EDN1: variants seen among roughly 807,000 people sequenced by gnomAD.
The protein encoded by EDN1 is endothelin 1.
EDN1 carries 11 observed loss-of-function variants against 21.7 expected under a neutral mutation model. The observed-to-expected ratio is 0.51, with a 90% CI of 0.32 to 0.84. The LOEUF (loss-of-function observed/expected upper bound fraction) is 0.84, where lower values mean the gene tolerates loss of function less well. Among genes scored for constraint, EDN1 ranks in the 40% least tolerant of loss-of-function variants. The pLI is 0.03. For synonymous variants in EDN1, 85 were observed against 90.6 expected (o/e 0.94, Z 0.35); for missense variants, 244 against 262.3 (o/e 0.93, Z 0.48).
At chr6:12,282,195 A>G in the EDN1 span, among the ~76,000 whole-genome samples, 26 of 152,302 alleles carry the variant, frequency 1.7e-4, no homozygotes, top group Non-Finnish European at 2.8e-4. Context: ...GGGGAGGAGT[A>G]TGGGAGAGAA....
the EDN1 span, among the ~76,000 whole-genome samples, chr6:12,269,266 A>G: frequency 3.3e-5 from 5 of 152,198 alleles, 1 homozygote; most frequent in African/African-American, 1.2e-4. Flanking sequence ...GCAAGTTCAT[A>G]TCATTTGCAG....
At chr6:12,262,525 A>G in the EDN1 span, among the ~76,000 whole-genome samples, 2 of 152,208 alleles carry the variant, frequency 1.3e-5, no homozygotes, top group East Asian at 3.8e-4. Flanking sequence ...GTAAATTAGT[A>G]AACAAACTAA....
the EDN1 span, among the ~76,000 whole-genome samples, chr6:12,250,431 T>G: frequency 2.6e-5 from 4 of 152,212 alleles, no homozygotes; most frequent in Non-Finnish European, 5.9e-5. Context: ...CAGAATCCAT[T>G]TATTTCAATT....
chr6:12,237,796 C>T, the EDN1 span, among the ~76,000 whole-genome samples: 2 of 152,190 alleles, frequency 1.3e-5, no homozygotes, highest in Non-Finnish European at 1.5e-5. Context: ...TGACTTAACA[C>T]TCCCAAACTG....
At chr6:12,288,065 C>A (rs935934365), upstream of EDN1, among the ~76,000 whole-genome samples, 2 of 152,006 alleles carry the variant, frequency 1.3e-5, no homozygotes, top group Non-Finnish European at 2.9e-5. Flanking sequence ...GCAGGGGCAG[C>A]CTCAGCAAGG....
chr6:12,237,437 T>C, the EDN1 span, among the ~76,000 whole-genome samples: 18,882 of 152,212 alleles, frequency 0.12, 1,390 homozygotes, highest in South Asian at 0.27. Flanking sequence ...CAAAAAGTCT[T>C]ACAAAATTGT....
At chr6:12,279,274 T>C in the EDN1 span, among the ~76,000 whole-genome samples, 5 of 152,120 alleles carry the variant, frequency 3.3e-5, no homozygotes, top group Non-Finnish European at 7.4e-5. Flanking sequence ...TCCCACAATA[T>C]ACAGGTAGCA....
chr6:12,231,374 A>G, the EDN1 span, among the ~76,000 whole-genome samples: 1 of 152,250 alleles, frequency 6.6e-6, no homozygotes, highest in African/African-American at 2.4e-5. Context: ...AACTTAAAGG[A>G]ATGAAACAAA....
chr6:12,232,280 A>T, the EDN1 span, among the ~76,000 whole-genome samples: 1 of 149,856 alleles, frequency 6.7e-6, no homozygotes, highest in Admixed American at 6.7e-5. Context: ...TTATATGGTA[A>T]CACGATCATA....
chr6:12,274,746 G>A, the EDN1 span, among the ~76,000 whole-genome samples: 3 of 152,090 alleles, frequency 2.0e-5, no homozygotes, highest in Non-Finnish European at 1.5e-5. Flanking sequence ...GTCCAATGTG[G>A]AAGCTGAGAT....
the EDN1 span, among the ~76,000 whole-genome samples, chr6:12,269,692 G>A: frequency 6.6e-6 from 1 of 152,086 alleles, no homozygotes; most frequent in Non-Finnish European, 1.5e-5. Context: ...TTAATGTGCT[G>A]TTGAATTCAG....
At chr6:12,283,204 A>C in the EDN1 span, among the ~76,000 whole-genome samples, 1 of 152,226 alleles carries the variant, frequency 6.6e-6, no homozygotes, top group Admixed American at 6.5e-5. Flanking sequence ...TACGAAGACA[A>C]CCAGTAAAAT....
At chr6:12,283,811 C>A in the EDN1 span, among the ~76,000 whole-genome samples, 3 of 152,214 alleles carry the variant, frequency 2.0e-5, no homozygotes, top group African/African-American at 7.2e-5. Context: ...ATCCAGTAAC[C>A]AAAACATCCT....
the EDN1 span, among the ~76,000 whole-genome samples, chr6:12,280,376 T>A: frequency 1.3e-5 from 2 of 152,264 alleles, no homozygotes. Context: ...GACTTATTAG[T>A]AGCATATTCT....
chr6:12,255,115 A>T, the EDN1 span, among the ~76,000 whole-genome samples: 3 of 152,248 alleles, frequency 2.0e-5, no homozygotes, highest in African/African-American at 7.2e-5. Context: ...TTTTATGAAG[A>T]TGAAATGATT....
the EDN1 span, among the ~76,000 whole-genome samples, chr6:12,284,121 G>A: frequency 6.6e-6 from 1 of 152,086 alleles, no homozygotes; most frequent in Non-Finnish European, 1.5e-5. Context: ...AACACATAAG[G>A]TACCTAGAAT....
upstream of EDN1, among the ~76,000 whole-genome samples, chr6:12,287,712 TCACACA>T (rs66467626): frequency 0.28 from 29,090 of 102,552 alleles, 4,195 homozygotes; most frequent in East Asian, 0.4. Context: ...TCTCTCTCTC[TCACACA>T]CACACACACA....
chr6:12,266,899 A>C, the EDN1 span, among the ~76,000 whole-genome samples: 1 of 152,230 alleles, frequency 6.6e-6, no homozygotes, highest in East Asian at 1.9e-4. Flanking sequence ...CTCAGAACTT[A>C]AAAATTCTTT....
chr6:12,250,450 A>G, the EDN1 span, among the ~76,000 whole-genome samples: 13 of 152,186 alleles, frequency 8.5e-5, no homozygotes, highest in Admixed American at 7.9e-4. Context: ...TTATTTGCCA[A>G]TATTATTCAA....
Sources: gnomAD v4.1 joint callset for allele counts (sites outside exome capture counted in the v4.1 genomes callset) on GRCh38, gnomAD v4.1.1 for gene constraint, MANE v1.5 for transcripts, NCBI Gene and HGNC (gene_info 2026-07-23, HGNC 2026-07-21) for gene names.